The following RNF220 variants were observed in gnomAD, a reference collection of about 807,000 sequenced individuals.
RNF220 encodes the protein E3 ubiquitin-protein ligase RNF220.
A neutral mutation model predicts 67.1 loss-of-function variants in RNF220; 7 were observed. That is an observed-to-expected ratio of 0.10 (90% CI 0.06 to 0.20). The LOEUF (loss-of-function observed/expected upper bound fraction) is 0.20. RNF220 is among the 10% of genes least tolerant of loss of function. The pLI is 1.00. For synonymous variants in RNF220, 270 were observed against 283.2 expected (o/e 0.95, Z 0.47); for missense variants, 565 against 740.3 (o/e 0.76, Z 2.75).
rs868337059 is a variant in RNF220, at chr1:44,489,864, C to T, written c.625+77142C>T. ...TAGTCTTGAATATCCCCTTTTGTCT[C>T]GCAGCTCTAAGTCTTTACTCAAGCT... On this transcript the variant is annotated intron_variant, in intron 2 of 14. Transcript: ENST00000361799. 4.6e-5 allele frequency among the ~76,000 whole-genome samples: 7 copies of T among 152,298 alleles called. No individual in the cohort carries two copies. In the Middle Eastern group the frequency reaches 0.017, roughly 370 times the overall value.
At chr1:44,504,477 G>A (rs1658234040) in intron 2 of RNF220, among the ~76,000 whole-genome samples, 1 of 152,176 alleles carries the variant, frequency 6.6e-6, no homozygotes, top group African/African-American at 2.4e-5. Flanking sequence ...GGACCTGGCA[G>A]AAGTTCGAGG....
intron 2 of RNF220, among the ~76,000 whole-genome samples, chr1:44,599,820 T>C (rs916939159): frequency 2.6e-5 from 4 of 152,268 alleles, no homozygotes; most frequent in East Asian, 1.9e-4. Flanking sequence ...GGGGCATGTA[T>C]GATAAAGAGT....
chr1:44,536,651 C>T (rs1661244407), intron 2 of RNF220, among the ~76,000 whole-genome samples: 4 of 152,194 alleles, frequency 2.6e-5, no homozygotes, highest in Admixed American at 2.6e-4. Flanking sequence ...GTAAGTGCTA[C>T]TTAAGAAAAC....
intron 2 of RNF220, among the ~76,000 whole-genome samples, chr1:44,460,988 C>T (rs1047983655): frequency 1.3e-5 from 2 of 152,220 alleles, no homozygotes; most frequent in Non-Finnish European, 2.9e-5. Context: ...TTGGGTGTAA[C>T]AGACCTGCCC....
chr1:44,478,498 G>T (rs1655491409), intron 2 of RNF220, among the ~76,000 whole-genome samples: 1 of 152,062 alleles, frequency 6.6e-6, no homozygotes, highest in South Asian at 2.1e-4. Context: ...AAGGTGGGTG[G>T]ATCACCTGAA....
At position 44,405,477 on chromosome 1, in the gene RNF220, T is replaced by C; in HGVS notation, c.-171T>C. 1 of 520,784 alleles carries C rather than the reference T, an allele frequency of 1.9e-6. No individual in the cohort carries two copies. The highest frequency in any genetic ancestry group is 3.4e-6 in the Non-Finnish European group (1 of 294,578). The allele number at this position is 520,784 out of a possible 1,614,324, so 32.3% of individuals were successfully genotyped here. On this transcript the variant is annotated 5_prime_UTR_variant, in exon 1 of 15. Transcript: ENST00000361799. ...TTCATGCACCACACTCTCCGCCTGC[T>C]TCCCTCCGTGTCCTGAAAAGTGCGA...
At chr1:44,405,107 T>G (rs1259722378), upstream of RNF220, 1 of 174,402 alleles carries the variant, frequency 5.7e-6, no homozygotes, top group Non-Finnish European at 1.2e-5. Flanking sequence ...GTGCCCTGGG[T>G]CTGGACTTCA....
At chr1:44,530,854 T>C (rs1182562981) in intron 2 of RNF220, among the ~76,000 whole-genome samples, 1 of 151,952 alleles carries the variant, frequency 6.6e-6, no homozygotes, top group Non-Finnish European at 1.5e-5. Flanking sequence ...TCCCAGCTAT[T>C]TGGGAAGCTG....
chr1:44,422,168 G>GTTT (rs1404945844), intron 2 of RNF220, among the ~76,000 whole-genome samples: 4 of 152,124 alleles, frequency 2.6e-5, no homozygotes, highest in African/African-American at 9.7e-5. Flanking sequence ...GAGAAAGTCT[G>GTTT]GGATTTAGGT....
chr1:44,499,870 A>G (rs1037703266), intron 2 of RNF220, among the ~76,000 whole-genome samples: 13 of 146,750 alleles, frequency 8.9e-5, no homozygotes, highest in East Asian at 1.9e-4. Context: ...CTGCCCGTCA[A>G]TAGCCACTCC....
At chr1:44,516,850 TC>T (rs965159602) in intron 2 of RNF220, among the ~76,000 whole-genome samples, 4 of 152,146 alleles carry the variant, frequency 2.6e-5, no homozygotes, top group African/African-American at 7.2e-5. Flanking sequence ...CTCAGACCTC[TC>T]TTTGAAGCTC....
chr1:44,424,587 T>C (rs572200910), intron 2 of RNF220, among the ~76,000 whole-genome samples: 1 of 151,692 alleles, frequency 6.6e-6, no homozygotes, highest in Admixed American at 6.6e-5. Flanking sequence ...CACTGAGGAG[T>C]CTGGGCAGGC....
In RNF220 at chr1:44,542,276, G is replaced by A. The variant is rs984233279; in HGVS notation, c.626-71889G>A. On this transcript the variant is annotated intron_variant, in intron 2 of 14. Transcript: ENST00000361799. ...ACAAAGATGCACAAGAAACCTCAGT[G>A]GGCAGGAGCTGACCAAGTCTTTTAT... 2.0e-5 allele frequency among the ~76,000 whole-genome samples: 3 copies of A among 152,192 alleles called. 1 individual carries two copies. In the East Asian group the frequency reaches 5.8e-4, roughly 29 times the overall value.
intron 2 of RNF220, among the ~76,000 whole-genome samples, chr1:44,502,332 G>A (rs1048983440): frequency 3.3e-5 from 5 of 152,182 alleles, no homozygotes; most frequent in African/African-American, 9.6e-5. Context: ...TCAGCTCTAG[G>A]GGTTCTACAA....
Position 44,650,161 on chromosome 1 carries a change from C to G in RNF220, c.1629+204C>G. 3.3e-6 allele frequency: 2 copies of G among 610,730 alleles called. No homozygotes were observed. Among genetic ancestry groups the G allele is most frequent in the South Asian group, 2.0e-5 (1 of 50,752 alleles). 37.8% of individuals were successfully genotyped at this position (610,730 alleles called of 1,614,324 possible). A position where few individuals can be genotyped will look rare whatever the true frequency, so the allele number is the denominator to read the frequency against. ...AACTGCAGGTTTAGGAACTTCTCCC[C>G]CTCCATGAGTTCACTGCATTCTCCC... On this transcript the variant is annotated intron_variant, in intron 14 of 14. Coordinates refer to ENST00000361799, the MANE Select transcript of RNF220 (RefSeq NM_018150.4). The surrounding 1 kb of genome is among the most constrained non-coding windows in gnomAD (Gnocchi z 4.3).
intron 5 of RNF220, 43 bp from the exon 6 acceptor site, chr1:44,632,300 G>T (rs1644168896): frequency 6.2e-7 from 1 of 1,613,900 alleles, no homozygotes; most frequent in Admixed American, 1.7e-5. Flanking sequence ...CGCGCCTGAC[G>T]CTCTCTTTTC....
intron 2 of RNF220, among the ~76,000 whole-genome samples, chr1:44,473,734 A>G (rs1655023780): frequency 6.6e-6 from 1 of 152,182 alleles, no homozygotes; most frequent in Admixed American, 6.5e-5. Context: ...AACAAAGAGA[A>G]TAATAATATC....
chr1:44,614,211 C>T lies in RNF220; in HGVS notation c.672C>T (p.Cys224=). The change falls in exon 3 of 15, where the codon TGC becomes TGT. Residue 224 remains cysteine, a synonymous_variant. Transcript: ENST00000361799. ...AALFDSQAPI[C]PICQVLLRPS... is the part of the protein sequence containing the mutation. The stretch of plus-strand genomic sequence containing the variant: ...TGTTCGACAGCCAGGCCCCAATTTG[C>T]CCCATCTGCCAGGTCCTGCTGAGGC... The T allele has an allele frequency of 1.2e-6, 2 of 1,614,196 alleles. No homozygotes were observed. The highest frequency in any genetic ancestry group is 1.7e-6 in the Non-Finnish European group (2 of 1,180,014).
At chr1:44,566,462 G>C (rs527850878) in intron 2 of RNF220, among the ~76,000 whole-genome samples, 1 of 152,224 alleles carries the variant, frequency 6.6e-6, no homozygotes, top group South Asian at 2.1e-4. Context: ...CAGAAGACAG[G>C]CTCTGGAGCT....
Sources: gnomAD v4.1 joint callset for allele counts (sites outside exome capture counted in the v4.1 genomes callset) on GRCh38, gnomAD v4.1.1 for gene constraint, Gnocchi (gnomAD v3.1) non-coding constraint, MANE v1.5 for transcripts, NCBI Gene and HGNC (gene_info 2026-07-23, HGNC 2026-07-21) for gene names.